SGCZ: variants seen among roughly 807,000 people sequenced by gnomAD.
The protein encoded by SGCZ is sarcoglycan zeta, also known as zeta-sarcoglycan.
In SGCZ, 40 loss-of-function variants were observed where a neutral mutation model predicts 41.3. The observed-to-expected ratio is 0.97, with a 90% CI of 0.75 to 1.26. The LOEUF (loss-of-function observed/expected upper bound fraction) is 1.26, where lower values mean the gene tolerates loss of function less well. Ranked by LOEUF, SGCZ falls within the 50% of genes most tolerant of loss-of-function variation. SGCZ has a pLI of 0.00. For synonymous variants in SGCZ, 206 were observed against 137.5 expected, an observed-to-expected ratio of 1.50 and a Z score of -3.49; for missense variants, 552 against 369.8, an observed-to-expected ratio of 1.49 and a Z score of -4.04.
chr8:15,225,509 C>T (rs571692661), intron 1 of SGCZ, among the ~76,000 whole-genome samples: 24 of 152,106 alleles, frequency 1.6e-4, no homozygotes, highest in Non-Finnish European at 3.1e-4. Flanking sequence ...TGTATGTGCA[C>T]GCACATGCAC....
At chr8:15,057,715 C>T (rs1804764704) in intron 1 of SGCZ, among the ~76,000 whole-genome samples, 2 of 152,310 alleles carry the variant, frequency 1.3e-5, no homozygotes, top group African/African-American at 2.4e-5. Context: ...AATAATTAGT[C>T]CCAATTCTTC....
chr8:14,097,111 C>G (rs753492699), intron 7 of SGCZ, among the ~76,000 whole-genome samples: 1 of 152,004 alleles, frequency 6.6e-6, no homozygotes, highest in Admixed American at 6.6e-5. Context: ...CTGCTCTGAT[C>G]ATAGTCATTT....
intron 2 of SGCZ, among the ~76,000 whole-genome samples, chr8:14,338,434 A>G (rs1802576285): frequency 6.6e-6 from 1 of 152,148 alleles, no homozygotes; most frequent in Non-Finnish European, 1.5e-5. Context: ...CAGCTGTCCC[A>G]TCTCACCTTT....
intron 3 of SGCZ, among the ~76,000 whole-genome samples, chr8:14,290,516 A>T (rs964823349): frequency 3.3e-5 from 5 of 152,132 alleles, no homozygotes; most frequent in Non-Finnish European, 5.9e-5. Flanking sequence ...TCATTTAAAA[A>T]TGGGTCAAAA....
At chr8:14,486,082 G>A (rs1347807555) in intron 2 of SGCZ, among the ~76,000 whole-genome samples, 2 of 152,120 alleles carry the variant, frequency 1.3e-5, no homozygotes, top group African/African-American at 4.8e-5. Context: ...AATAACGTCA[G>A]TTAATAAATA....
At chr8:14,735,725 C>A (rs1799008332) in intron 1 of SGCZ, among the ~76,000 whole-genome samples, 1 of 152,110 alleles carries the variant, frequency 6.6e-6, no homozygotes, top group Non-Finnish European at 1.5e-5. Context: ...CCTGTTACTT[C>A]CTCCCTCTGG....
At chr8:14,993,749 T>C (rs889236871) in intron 1 of SGCZ, among the ~76,000 whole-genome samples, 1 of 152,138 alleles carries the variant, frequency 6.6e-6, no homozygotes, top group African/African-American at 2.4e-5. Context: ...TGGCGCAGCA[T>C]GAATAGGCAG....
chr8:15,020,512 T>G (rs1161555890), intron 1 of SGCZ, among the ~76,000 whole-genome samples: 1 of 152,102 alleles, frequency 6.6e-6, no homozygotes, highest in Non-Finnish European at 1.5e-5. Context: ...CTGGCTCTCA[T>G]TATTATTCTT....
chr8:14,613,797 C>G (rs1158373424), intron 1 of SGCZ, among the ~76,000 whole-genome samples: 3 of 151,982 alleles, frequency 2.0e-5, no homozygotes, highest in Non-Finnish European at 4.4e-5. Context: ...ATGAAGTTGG[C>G]CACTCTTTTC....
chr8:15,149,677 C>A (rs964468916), intron 1 of SGCZ, among the ~76,000 whole-genome samples: 2 of 138,060 alleles, frequency 1.4e-5, no homozygotes, highest in Non-Finnish European at 3.0e-5. Context: ...GGAAAACAGT[C>A]ACCTTTAACG....
intron 4 of SGCZ, among the ~76,000 whole-genome samples, chr8:14,208,731 C>T (rs1400825516): frequency 3.3e-5 from 5 of 151,964 alleles, no homozygotes; most frequent in African/African-American, 4.8e-5. Context: ...ATTTTTAAAA[C>T]TTGACTTAAT....
rs1411052741 is a variant in SGCZ, at chr8:14,220,393, A to G, written c.424+17199T>C. On this transcript the variant is annotated intron_variant, in intron 4 of 7. Coordinates refer to ENST00000382080, the MANE Select transcript of SGCZ (RefSeq NM_139167.4). ...TATTTATATACACTTCAAAAATCAAATAATGGTTTAGCTTTGAGAGTAGTA... is the reference window on the plus strand; with the variant it reads ...TATTTATATACACTTCAAAAATCAAGTAATGGTTTAGCTTTGAGAGTAGTA... 2.0e-5 allele frequency among the ~76,000 whole-genome samples: 3 copies of G among 152,164 alleles called. No homozygotes were observed. The East Asian group carries it at 5.8e-4, about 29-fold the overall frequency.
intron 2 of SGCZ, among the ~76,000 whole-genome samples, chr8:14,415,104 G>T (rs1799460020): frequency 6.6e-6 from 1 of 151,728 alleles, no homozygotes; most frequent in Non-Finnish European, 1.5e-5. Context: ...AAGTAAAACT[G>T]TTCTGTAATT....
chr8:15,027,068 A>G (rs565469522), intron 1 of SGCZ, among the ~76,000 whole-genome samples: 1 of 152,330 alleles, frequency 6.6e-6, no homozygotes, highest in Non-Finnish European at 1.5e-5. Context: ...TCAACTGCCT[A>G]ACACATACTG....
chr8:14,253,212 AATAT>A (rs1799344982), intron 3 of SGCZ, among the ~76,000 whole-genome samples: 1 of 17,674 alleles, frequency 5.7e-5, no homozygotes, highest in African/African-American at 3.2e-4. Flanking sequence ...TGCTTCTAAA[AATAT>A]GCTTCTAAAA....
chr8:14,886,594 G>A (rs1404033847), intron 1 of SGCZ, among the ~76,000 whole-genome samples: 1 of 152,046 alleles, frequency 6.6e-6, no homozygotes, highest in African/African-American at 2.4e-5. Context: ...GGGGAAAAGT[G>A]TCCCTGGCAT....
intron 4 of SGCZ, among the ~76,000 whole-genome samples, chr8:14,172,129 A>G (rs1045338476): frequency 2.6e-5 from 4 of 152,302 alleles, no homozygotes; most frequent in Admixed American, 1.3e-4. Flanking sequence ...AAGCTCTTAT[A>G]TAACAAATGA....
intron 1 of SGCZ, among the ~76,000 whole-genome samples, chr8:14,689,251 G>T (rs942743022): frequency 1.3e-5 from 2 of 151,782 alleles, no homozygotes; most frequent in Admixed American, 6.6e-5. Context: ...TTTGAAAATT[G>T]AAAAAGTTTG....
intron 1 of SGCZ, among the ~76,000 whole-genome samples, chr8:15,141,987 G>A (rs1191510381): frequency 1.3e-5 from 2 of 152,124 alleles, no homozygotes; most frequent in African/African-American, 4.8e-5. Flanking sequence ...AAGACCCTGG[G>A]ACAGGCACCG....
Sources: allele counts gnomAD v4.1 joint callset (sites outside exome capture counted in the v4.1 genomes callset), GRCh38; gene constraint gnomAD v4.1.1; transcripts MANE v1.5; gene names NCBI Gene and HGNC (gene_info 2026-07-23, HGNC 2026-07-21).